The following ILKAP variants were observed in gnomAD, a reference collection of about 807,000 sequenced individuals.
The protein encoded by ILKAP is ILK associated serine/threonine phosphatase, also known as integrin-linked kinase-associated serine/threonine phosphatase 2C.
ILKAP carries 11 observed loss-of-function variants against 49.1 expected under a neutral mutation model. The observed-to-expected ratio is 0.22, with a 90% CI of 0.14 to 0.37. The LOEUF is 0.37. Among genes scored for constraint, ILKAP ranks in the 10% least tolerant of loss-of-function variants. The probability of loss-of-function intolerance (pLI) is 1.00; values close to 1 mark genes in which losing one functional copy is unlikely to be tolerated. For synonymous variants in ILKAP, 186 were observed against 192.8 expected (o/e 0.96, Z 0.29); for missense variants, 363 against 510.8 (o/e 0.71, Z 2.79).
chr2:238,202,887 G>GAA (rs397954562), intron 1 of ILKAP, among the ~76,000 whole-genome samples: 2,283 of 116,646 alleles, frequency 0.02, 46 homozygotes, highest in African/African-American at 0.059. Flanking sequence ...CCGTGGACCA[G>GAA]AAAAAAAAAA....
intron 9 of ILKAP, among the ~76,000 whole-genome samples, chr2:238,180,648 C>T (rs114703308): frequency 0.01 from 1,539 of 152,354 alleles, 30 homozygotes; most frequent in African/African-American, 0.035. Context: ...CAGCGACCCA[C>T]GCTGCTGGTC....
chr2:238,185,396 A>T, intron 5 of ILKAP, 109 bp from the exon 6 acceptor site: 1 of 694,880 alleles, frequency 1.4e-6, no homozygotes, highest in Non-Finnish European at 2.6e-6. Flanking sequence ...AGTCAGAGGA[A>T]GTCACACTGG....
In ILKAP at chr2:238,170,954, A is replaced by C. The variant is rs769830839; in HGVS notation, c.1027T>G (p.Ser343Ala). ...TPEEAVNFIL[S>A]CLEDEKIQTR... Reference sequence around the variant, plus strand: ...GTGAGATTTCTCACCTCGAGACAGGACAAGATGAAGTTCACGGCTTCTTCT... The same window carrying C: ...GTGAGATTTCTCACCTCGAGACAGGCCAAGATGAAGTTCACGGCTTCTTCT... Residue 343 changes from serine (S) to alanine (A), a missense_variant, in exon 11 of 12, where the codon TCC (serine) becomes GCC (alanine). Physicochemically the swap from Ser to Ala is moderately conservative, Grantham distance 99. Coordinates refer to ENST00000254654, the MANE Select transcript of ILKAP (RefSeq NM_030768.3). 1 of 1,613,862 alleles carries C rather than the reference A, an allele frequency of 6.2e-7. No individual in the cohort carries two copies. Among genetic ancestry groups the C allele is most frequent in the East Asian group, 2.2e-5 (1 of 44,884 alleles).
At chr2:238,173,478 G>A (rs757428184) in intron 10 of ILKAP, 56 bp downstream of exon 10, 1 of 1,587,032 alleles carries the variant, frequency 6.3e-7, no homozygotes, top group Admixed American at 1.7e-5. Flanking sequence ...CTGGAAGTGA[G>A]GAAGAGAAAT....
intron 9 of ILKAP, among the ~76,000 whole-genome samples, chr2:238,181,655 C>T (rs1451849473): frequency 1.1e-4 from 16 of 149,054 alleles, no homozygotes; most frequent in Admixed American, 4.7e-4. Flanking sequence ...TGGAGTCTCG[C>T]TCTGTTGCCC....
chr2:238,180,254 G>C (rs1390675790), intron 9 of ILKAP, among the ~76,000 whole-genome samples: 1 of 152,116 alleles, frequency 6.6e-6, no homozygotes, highest in African/African-American at 2.4e-5. Flanking sequence ...ACCCTGGTTT[G>C]AAACAAAGAT....
At chr2:238,179,792 G>A (rs961107987) in intron 9 of ILKAP, among the ~76,000 whole-genome samples, 2 of 152,156 alleles carry the variant, frequency 1.3e-5, no homozygotes, top group Non-Finnish European at 2.9e-5. Flanking sequence ...CAGTTTATAG[G>A]AAATATACAG....
rs55849458 is a variant in ILKAP at position 238,176,135 on chromosome 2, C to CTTTTT, written c.837-2487_837-2483dup. On this transcript the variant is annotated intron_variant, in intron 9 of 11. Transcript: ENST00000254654. ...AATTACAATGCTTAGCAAGTAGTGG[C>CTTTTT]TTTTTTTTTTTTTTTTGAGACAGAG... Among the ~76,000 whole-genome samples, 920 of 98,000 alleles carry CTTTTT rather than the reference C, an allele frequency of 9.4e-3. 70 individuals carry two copies. Among genetic ancestry groups the CTTTTT allele is most frequent in the East Asian group, 0.016 (44 of 2,682 alleles). 64.3% of individuals were successfully genotyped at this position (98,000 alleles called of 152,430 possible). A position where few individuals can be genotyped will look rare whatever the true frequency, so the allele number is the denominator to read the frequency against.
chr2:238,182,388 C>T (rs942147928), intron 8 of ILKAP, among the ~76,000 whole-genome samples: 31 of 152,190 alleles, frequency 2.0e-4, no homozygotes, highest in African/African-American at 7.0e-4. Context: ...GGGAGAGAGT[C>T]GCCCCTGGTT....
intron 1 of ILKAP, among the ~76,000 whole-genome samples, chr2:238,195,837 G>A (rs573770346): frequency 2.0e-5 from 3 of 151,830 alleles, no homozygotes; most frequent in Non-Finnish European, 4.4e-5. Context: ...GAGTCCCGGA[G>A]TTCGAGACCA....
In ILKAP at chr2:238,203,116, C is replaced by A. The variant is rs1040028957; in HGVS notation, c.55+383G>T. ...AGCCGCGGGCGGGCGACGCGCAAGG[C>A]AGCCCAGGCCGCGGGTGGAATCGGG... On this transcript the variant is annotated intron_variant, in intron 1 of 11. Coordinates refer to ENST00000254654, the MANE Select transcript of ILKAP (RefSeq NM_030768.3). Among the ~76,000 whole-genome samples, 10 of 150,942 alleles carry A rather than the reference C, an allele frequency of 6.6e-5. No individual in the cohort carries two copies. In the East Asian group the frequency reaches 7.9e-4, roughly 12 times the overall value.
rs1292056204 is a variant in ILKAP at position 238,170,583 on chromosome 2, C to T, written c.1132G>A (p.Gly378Ser). Residue 378 changes from glycine to serine, a missense_variant, in exon 12 of 12, where the codon GGC becomes AGC. Coordinates refer to ENST00000254654, the MANE Select transcript of ILKAP (RefSeq NM_030768.3). ...ATCACAGTGACGTTGTCGGCCGAGCCCCGCTGCACCGCCTTGTTGGCCAGC... is the reference window on the plus strand; with the variant it reads ...ATCACAGTGACGTTGTCGGCCGAGCTCCGCTGCACCGCCTTGTTGGCCAGC... ...NRLANKAVQR[G>S]SADNVTVMVV... The T allele has an allele frequency of 1.2e-6, 2 of 1,607,328 alleles. No individual in the cohort carries two copies. The highest frequency in any genetic ancestry group is 1.7e-6 in the Non-Finnish European group (2 of 1,174,868).
At chr2:238,193,420 C>T (rs372302896) in intron 3 of ILKAP, among the ~76,000 whole-genome samples, 57 of 152,328 alleles carry the variant, frequency 3.7e-4, no homozygotes, top group African/African-American at 1.3e-3. Flanking sequence ...AGGGTTTCGC[C>T]ATGTTGGCCA....
chr2:238,183,535 C>T, intron 8 of ILKAP, 118 bp downstream of exon 8: 1 of 740,918 alleles, frequency 1.3e-6, no homozygotes, highest in Non-Finnish European at 2.2e-6. Context: ...TGCAGCAACC[C>T]CAGAAGAAAG....
Position 238,175,195 on chromosome 2 carries a change from C to T in ILKAP, c.837-1542G>A, listed in dbSNP as rs184522414. ...GGCAGTGGTGCAATCACTCGCTGGG[C>T]TCAAGTGATCCTCCCACCTCAGCCT... On this transcript the variant is annotated intron_variant, in intron 9 of 11. Coordinates refer to ENST00000254654, the MANE Select transcript of ILKAP (RefSeq NM_030768.3). Among the ~76,000 whole-genome samples, 3 of 151,930 alleles carry T rather than the reference C, an allele frequency of 2.0e-5. 1 individual carries two copies. Among genetic ancestry groups the T allele is most frequent in the Admixed American group, 2.0e-4 (3 of 15,268 alleles).
chr2:238,188,910 T>C (rs2106336186), intron 4 of ILKAP, among the ~76,000 whole-genome samples: 1 of 152,352 alleles, frequency 6.6e-6, no homozygotes, highest in Middle Eastern at 3.4e-3. Context: ...CAAGCTAAGT[T>C]GAAGATGACA....
At chr2:238,190,859 T>G (rs1334856567) in intron 3 of ILKAP, among the ~76,000 whole-genome samples, 1 of 112,278 alleles carries the variant, frequency 8.9e-6, no homozygotes, top group African/African-American at 3.7e-5. Flanking sequence ...CTGGGCAAAG[T>G]AGTAAGACGT....
chr2:238,183,527 C>T, intron 8 of ILKAP, 126 bp downstream of exon 8: 1 of 697,390 alleles, frequency 1.4e-6, no homozygotes, highest in South Asian at 1.8e-5. Context: ...GAACACTCTG[C>T]AGCAACCCCA....
At chr2:238,171,917 G>T (rs1252450331) in intron 10 of ILKAP, among the ~76,000 whole-genome samples, 1 of 152,182 alleles carries the variant, frequency 6.6e-6, no homozygotes, top group Non-Finnish European at 1.5e-5. Flanking sequence ...GATTCAATGT[G>T]ACAGTTCTAG....
Sources: allele counts gnomAD v4.1 joint callset (sites outside exome capture counted in the v4.1 genomes callset), GRCh38; gene constraint gnomAD v4.1.1; transcripts MANE v1.5; gene names NCBI Gene and HGNC (gene_info 2026-07-23, HGNC 2026-07-21).